Variants in ZPLD1 observed in about 807,000 individuals in gnomAD.
ZPLD1 encodes zona pellucida-like domain-containing protein 1.
Under a neutral mutation model 47.2 loss-of-function variants are expected in ZPLD1, and 34 were observed. The observed-to-expected ratio is 0.72, with a 90% CI of 0.55 to 0.96. The LOEUF is 0.96. Among genes scored for constraint, ZPLD1 ranks in the 40% least tolerant of loss-of-function variants. The pLI is 0.00. For synonymous variants in ZPLD1, 176 were observed against 186.2 expected (o/e 0.95, Z 0.45); for missense variants, 512 against 505.8 (o/e 1.01, Z -0.12).
intron 7 of ZPLD1, among the ~76,000 whole-genome samples, chr3:102,404,032 G>A (rs547536412): frequency 1.2e-4 from 18 of 152,040 alleles, no homozygotes; most frequent in Middle Eastern, 3.4e-3. Context: ...CTTATTCATA[G>A]TGAGTGGTAT....
At chr3:102,388,481 G>GTA (rs1224959961) in intron 6 of ZPLD1, among the ~76,000 whole-genome samples, 1 of 147,418 alleles carries the variant, frequency 6.8e-6, no homozygotes, top group African/African-American at 2.5e-5. Flanking sequence ...GTGTGTGTGT[G>GTA]TGTCTTTCTG....
intron 3 of ZPLD1, among the ~76,000 whole-genome samples, chr3:102,442,937 G>A (rs971069710): frequency 3.9e-5 from 6 of 152,136 alleles, no homozygotes; most frequent in African/African-American, 1.4e-4. Flanking sequence ...TTACAGTTGT[G>A]ATGATTCTAG....
At chr3:102,450,331 T>C (rs7653110) in intron 3 of ZPLD1, among the ~76,000 whole-genome samples, 22,070 of 152,132 alleles carry the variant, frequency 0.15, 1,637 homozygotes, top group Middle Eastern at 0.18. Flanking sequence ...TACTTATATA[T>C]CCTCCACCCA....
chr3:102,394,057 A>G (rs1706530899), intron 7 of ZPLD1, among the ~76,000 whole-genome samples: 1 of 152,184 alleles, frequency 6.6e-6, no homozygotes, highest in Admixed American at 6.6e-5. Flanking sequence ...ATTGTTACAA[A>G]GTGAAAAACC....
intron 6 of ZPLD1, among the ~76,000 whole-genome samples, chr3:102,389,470 G>A (rs1706471964): frequency 6.6e-6 from 1 of 152,012 alleles, no homozygotes; most frequent in Admixed American, 6.5e-5. Context: ...CAACCTCAAG[G>A]CATACCAAAA....
intron 7 of ZPLD1, among the ~76,000 whole-genome samples, chr3:102,463,904 G>T (rs1187804105): frequency 8.0e-6 from 1 of 125,520 alleles, no homozygotes; most frequent in Non-Finnish European, 1.7e-5. Context: ...AAAAAAAATA[G>T]CCGGGCTTGG....
chr3:102,454,932 TCAAATAAAG>T (rs1443091133), intron 4 of ZPLD1, among the ~76,000 whole-genome samples: 3 of 152,232 alleles, frequency 2.0e-5, no homozygotes, highest in Non-Finnish European at 4.4e-5. Context: ...GGTTTAGCTA[TCAAATAAAG>T]CAAGTAGTGG....
intron 7 of ZPLD1, among the ~76,000 whole-genome samples, chr3:102,408,989 C>A (rs1706722047): frequency 6.6e-6 from 1 of 151,762 alleles, no homozygotes; most frequent in African/African-American, 2.4e-5. Context: ...CCTCAATAAA[C>A]AGAATACACA....
chr3:102,469,333 A>G (rs1209552046), intron 9 of ZPLD1, among the ~76,000 whole-genome samples, 198 bp downstream of exon 9: 7 of 152,216 alleles, frequency 4.6e-5, no homozygotes, highest in Admixed American at 4.6e-4. Context: ...GGATACAGAG[A>G]TGAGGTGTGC....
At chr3:102,457,541 A>G (rs2107341523) in intron 5 of ZPLD1, among the ~76,000 whole-genome samples, 1 of 152,350 alleles carries the variant, frequency 6.6e-6, no homozygotes, top group East Asian at 1.9e-4. Flanking sequence ...GTAATGCAAA[A>G]CAAACAAAAA....
chr3:102,435,875 C>T (rs1252001878), intron 1 of ZPLD1, among the ~76,000 whole-genome samples: 1 of 152,166 alleles, frequency 6.6e-6, no homozygotes, highest in Non-Finnish European at 1.5e-5. Flanking sequence ...ATCTCCTGAC[C>T]TCATGATCCA....
chr3:102,443,236 T>C (rs1707208349), intron 3 of ZPLD1, among the ~76,000 whole-genome samples: 1 of 152,204 alleles, frequency 6.6e-6, no homozygotes, highest in African/African-American at 2.4e-5. Flanking sequence ...TATGAGTCAG[T>C]GTTTCATAAC....
At chr3:102,435,553 C>G (rs1268836999) in intron 1 of ZPLD1, among the ~76,000 whole-genome samples, 1 of 151,908 alleles carries the variant, frequency 6.6e-6, no homozygotes, top group African/African-American at 2.4e-5. Context: ...GGCCTTGAAA[C>G]TAAGTTTTCA....
At chr3:102,415,826 A>G (rs1706799119) in intron 7 of ZPLD1, among the ~76,000 whole-genome samples, 1 of 151,882 alleles carries the variant, frequency 6.6e-6, no homozygotes, top group Admixed American at 6.6e-5. Context: ...GATGACAGGA[A>G]TGAACCATTT....
chr3:102,409,500 G>T, intron 7 of ZPLD1, among the ~76,000 whole-genome samples: 1 of 151,650 alleles, frequency 6.6e-6, no homozygotes, highest in East Asian at 1.9e-4. Context: ...GTGTAATGTA[G>T]GAATTATACA....
intron 7 of ZPLD1, among the ~76,000 whole-genome samples, chr3:102,404,830 G>A (rs1326301372): frequency 6.6e-6 from 1 of 151,966 alleles, no homozygotes; most frequent in African/African-American, 2.4e-5. Flanking sequence ...GGATCAAAAT[G>A]TGCAGATGAG....
chr3:102,415,642 G>T (rs1195603169), intron 7 of ZPLD1, among the ~76,000 whole-genome samples: 1 of 151,770 alleles, frequency 6.6e-6, no homozygotes, highest in East Asian at 1.9e-4. Context: ...ATATTGAAAA[G>T]GTGCTTATAC....
chr3:102,438,553 C>T lies in ZPLD1; in HGVS notation c.66C>T (p.Asn22=), dbSNP rs762649112. Residue 22 remains asparagine (N), a synonymous_variant, in exon 3 of 12, where the codon AAC becomes AAT. Coordinates refer to ENST00000466937, the MANE Select transcript of ZPLD1 (RefSeq NM_001329788.2). Reference sequence around the variant, plus strand: ...TGCTTCCGGGGTCTGCTCAGTTCAACGGCTACAACTGTGATGCCAACCTCC... The same window carrying T: ...TGCTTCCGGGGTCTGCTCAGTTCAATGGCTACAACTGTGATGCCAACCTCC... ...IRVLPGSAQF[N]GYNCDANLHS... 14 of 1,613,804 alleles carry T rather than the reference C, an allele frequency of 8.7e-6. No individual in the cohort carries two copies. Among genetic ancestry groups the T allele is most frequent in the Admixed American group, 5.0e-5 (3 of 59,988 alleles).
chr3:102,476,897 G>GT, intron 10 of ZPLD1, 115 bp from the exon 11 acceptor site: 1 of 1,230,930 alleles, frequency 8.1e-7, no homozygotes, highest in South Asian at 1.3e-5. Flanking sequence ...ATGGGTGGAC[G>GT]TAAGAGGAGA....
Sources: allele counts gnomAD v4.1 joint callset (sites outside exome capture counted in the v4.1 genomes callset), GRCh38; gene constraint gnomAD v4.1.1; transcripts MANE v1.5; gene names NCBI Gene and HGNC (gene_info 2026-07-23, HGNC 2026-07-21).